SAMMSON: variants seen among roughly 807,000 people sequenced by gnomAD.
SAMMSON encodes the protein long intergenic non-protein coding RNA 1212.
intron 4 of SAMMSON, chr3:70,205,784 C>T (rs1346062743): frequency 6.6e-6 from 1 of 151,966 alleles, no homozygotes. Flanking sequence ...GACCAGAAAC[C>T]ATACCTTGTT....
chr3:70,177,020 A>G (rs1467902794), intron 4 of SAMMSON, among the ~76,000 whole-genome samples: 4 of 152,164 alleles, frequency 2.6e-5, no homozygotes, highest in Non-Finnish European at 4.4e-5. Flanking sequence ...ACTTTACATG[A>G]TGCATTAAGG....
intron 3 of SAMMSON, among the ~76,000 whole-genome samples, chr3:70,022,722 T>G (rs1576099603): frequency 6.6e-6 from 1 of 152,224 alleles, no homozygotes; most frequent in East Asian, 1.9e-4. Flanking sequence ...ATTAAATAAT[T>G]CACTGATTCT....
At chr3:70,333,471 C>G (rs755645388) in intron 7 of SAMMSON, among the ~76,000 whole-genome samples, 14 of 152,104 alleles carry the variant, frequency 9.2e-5, no homozygotes, top group Admixed American at 1.3e-4. Flanking sequence ...TCATTGTTTT[C>G]TTCACTGGAT....
chr3:70,144,914 G>C (rs1233280048), intron 4 of SAMMSON, among the ~76,000 whole-genome samples: 1 of 151,986 alleles, frequency 6.6e-6, no homozygotes, highest in Admixed American at 6.6e-5. Context: ...CCCAATCTCG[G>C]GTATGTCTTT....
In SAMMSON at chr3:70,053,958, T is replaced by A. The variant is rs73836028; in HGVS notation, n.418-17518T>A. 2.6e-3 allele frequency among the ~76,000 whole-genome samples: 390 copies of A among 152,242 alleles called. 4 individuals carry two copies. Among genetic ancestry groups the A allele is most frequent in the African/African-American group, 8.6e-3 (357 of 41,554 alleles). ...TATTTCACACTCATTGCCTTTTTTT[T>A]AAATTTACTGTGTGCATAACAAGCA... On this transcript the variant is annotated intron_variant and non_coding_transcript_variant, in intron 3 of 9. Transcript: ENST00000642114.
chr3:70,292,592 T>G (rs1158126541), intron 7 of SAMMSON, among the ~76,000 whole-genome samples: 2 of 152,152 alleles, frequency 1.3e-5, no homozygotes, highest in African/African-American at 4.8e-5. Context: ...AAACTATTTT[T>G]TATCTATCTT....
In SAMMSON at chr3:70,306,228, C is replaced by T. The variant is rs532189838; in HGVS notation, n.739+14985C>T. Among the ~76,000 whole-genome samples, 7 of 152,236 alleles carry T rather than the reference C, an allele frequency of 4.6e-5. No individual in the cohort carries two copies. The South Asian group carries it at 1.4e-3, about 32-fold the overall frequency. On this transcript the variant is annotated intron_variant and non_coding_transcript_variant, in intron 7 of 9. Coordinates refer to ENST00000642114, the Ensembl canonical transcript of SAMMSON. ...AAGTGATTCTCCTGCCTCAGACTCCCGAGTAGCTGGGATTACAGGCACTCG... is the reference window on the plus strand; with the variant it reads ...AAGTGATTCTCCTGCCTCAGACTCCTGAGTAGCTGGGATTACAGGCACTCG...
intron 6 of SAMMSON, among the ~76,000 whole-genome samples, chr3:70,284,539 C>T (rs1008135492): frequency 3.3e-5 from 5 of 152,076 alleles, no homozygotes; most frequent in African/African-American, 1.2e-4. Context: ...AAATGTGGTA[C>T]ATATACACCA....
intron 3 of SAMMSON, among the ~76,000 whole-genome samples, chr3:70,045,792 A>G (rs888342434): frequency 6.6e-6 from 1 of 152,142 alleles, no homozygotes; most frequent in Admixed American, 6.6e-5. Flanking sequence ...CTTTTAATGC[A>G]CATGTGTTAC....
At chr3:70,193,271 A>G (rs1250761108) in intron 4 of SAMMSON, among the ~76,000 whole-genome samples, 1 of 152,016 alleles carries the variant, frequency 6.6e-6, no homozygotes, top group African/African-American at 2.4e-5. Flanking sequence ...AGAAGCCCCA[A>G]AATATAATTT....
At chr3:70,185,152 A>C (rs371777702) in intron 4 of SAMMSON, among the ~76,000 whole-genome samples, 6 of 152,122 alleles carry the variant, frequency 3.9e-5, no homozygotes, top group Non-Finnish European at 7.4e-5. Flanking sequence ...TTGATCTTGG[A>C]GAGATTCTCT....
intron 3 of SAMMSON, among the ~76,000 whole-genome samples, chr3:70,020,602 A>C (rs1473322076): frequency 1.3e-5 from 2 of 152,054 alleles, no homozygotes; most frequent in African/African-American, 2.4e-5. Context: ...CAAACTCCTC[A>C]TACTCCACAG....
At chr3:70,365,970 CTTTTTTT>C (rs1193657961) in intron 9 of SAMMSON, among the ~76,000 whole-genome samples, 6 of 27,772 alleles carry the variant, frequency 2.2e-4, no homozygotes, top group Admixed American at 8.8e-4. Context: ...TTTACCTTTT[CTTTTTTT>C]TTTTTTTTTT....
chr3:70,085,434 G>A (rs537101030), intron 4 of SAMMSON, among the ~76,000 whole-genome samples: 4 of 152,174 alleles, frequency 2.6e-5, no homozygotes, highest in East Asian at 3.9e-4. Context: ...AGTAAGGCTC[G>A]AACATTTGTA....
exon 5 of SAMMSON, chr3:70,249,164 A>T (rs540861636): frequency 2.0e-5 from 3 of 152,176 alleles, no homozygotes; most frequent in Admixed American, 6.6e-5. Context: ...ACCAAGTTCT[A>T]CATTAGGAAC....
chr3:70,327,747 T>C (rs1281412350), intron 7 of SAMMSON, among the ~76,000 whole-genome samples: 2 of 152,050 alleles, frequency 1.3e-5, no homozygotes, highest in African/African-American at 4.8e-5. Context: ...ATCCTAGTAG[T>C]GAGGGAAAAT....
At chr3:70,073,098 T>C (rs2067236105) in intron 4 of SAMMSON, among the ~76,000 whole-genome samples, 1 of 151,964 alleles carries the variant, frequency 6.6e-6, no homozygotes, top group South Asian at 2.1e-4. Flanking sequence ...TAGGTTTGCC[T>C]AGCATCCAGT....
chr3:70,185,735 GC>G (rs1417380279), intron 4 of SAMMSON, among the ~76,000 whole-genome samples: 3 of 148,876 alleles, frequency 2.0e-5, no homozygotes, highest in African/African-American at 7.4e-5. Context: ...AGTGGCACAT[GC>G]CTGTAGTTCC....
At chr3:70,122,316 T>C (rs79414639) in intron 4 of SAMMSON, among the ~76,000 whole-genome samples, 41,945 of 151,932 alleles carry the variant, frequency 0.28, 6,077 homozygotes, top group East Asian at 0.52. Context: ...CCTCAGCCTC[T>C]TGAGTAGCTG....
Sources: gnomAD v4.1 joint callset for allele counts (sites outside exome capture counted in the v4.1 genomes callset) on GRCh38, gnomAD v4.1.1 for gene constraint, MANE v1.5 for transcripts, NCBI Gene and HGNC (gene_info 2026-07-23, HGNC 2026-07-21) for gene names.